The following TMEM181 variants were observed in gnomAD, a reference collection of about 807,000 sequenced individuals.
TMEM181 encodes G protein-coupled receptor 178.
TMEM181 carries 39 observed loss-of-function variants against 71.9 expected under a neutral mutation model. The ratio of observed to expected loss-of-function variants is 0.54; its 90% CI spans 0.42 to 0.71. The LOEUF (loss-of-function observed/expected upper bound fraction) is 0.71. Among genes scored for constraint, TMEM181 ranks in the 30% least tolerant of loss-of-function variants. TMEM181 has a pLI of 0.00. For missense variants in TMEM181, 595 were observed against 583.0 expected, an observed-to-expected ratio of 1.02 and a Z score of -0.21; for synonymous variants, 245 against 228.8, an observed-to-expected ratio of 1.07 and a Z score of -0.64.
chr6:158,608,457 T>C lies in TMEM181; in HGVS notation c.798T>C (p.Arg266=), dbSNP rs1472008615. The C allele has an allele frequency of 6.2e-7, 1 of 1,614,218 alleles. No homozygotes were observed. The highest frequency in any genetic ancestry group is 8.5e-7 in the Non-Finnish European group (1 of 1,180,032). ...GGCTGTGCGTGTACCACGGGATTCGTGTCCAGGTGAGCCGGAGCCGCCCTC... is the reference window on the plus strand; with the variant it reads ...GGCTGTGCGTGTACCACGGGATTCGCGTCCAGGTGAGCCGGAGCCGCCCTC... ...LFWLCVYHGI[R]VQGERKCLTF... is the part of the protein sequence containing the mutation. Residue 266 remains arginine, a synonymous_variant, in exon 9 of 17, where the codon CGT becomes CGC. Coordinates refer to ENST00000684151, the MANE Select transcript of TMEM181 (RefSeq NM_001376852.1).
chr6:158,577,557 C>G (rs1318885994), intron 2 of TMEM181, among the ~76,000 whole-genome samples: 1 of 152,184 alleles, frequency 6.6e-6, no homozygotes, highest in Non-Finnish European at 1.5e-5. Flanking sequence ...CTGAAAACTT[C>G]CCATATTTGG....
intron 5 of TMEM181, 65 bp downstream of exon 5, chr6:158,585,490 A>G: frequency 2.9e-6 from 4 of 1,366,100 alleles, no homozygotes; most frequent in Non-Finnish European, 3.8e-6. Context: ...TTACAGAGCC[A>G]CTTTCCAGTC....
intron 5 of TMEM181, among the ~76,000 whole-genome samples, chr6:158,588,241 G>A (rs1718018122): frequency 6.6e-6 from 1 of 152,260 alleles, no homozygotes; most frequent in African/African-American, 2.4e-5. Flanking sequence ...CCTCCCTGCG[G>A]AGCACTGTGG....
Position 158,606,838 on chromosome 6 carries a change from A to G in TMEM181, c.574-406A>G, listed in dbSNP as rs568699976. ...GCCGGGAACATGAGGCTCCTGTCAC[A>G]CCCACAGATGTGGCCTGTGTCCTGG... On this transcript the variant is annotated intron_variant, in intron 7 of 16. Transcript: ENST00000684151. 2.8e-3 allele frequency among the ~76,000 whole-genome samples: 419 copies of G among 152,234 alleles called. 6 individuals carry two copies. Among genetic ancestry groups the G allele is most frequent in the Non-Finnish European group, 1.2e-3 (79 of 68,008 alleles).
chr6:158,627,236 C>T lies in TMEM181; in HGVS notation c.1110-1172C>T, dbSNP rs549917648. Among the ~76,000 whole-genome samples the T allele has an allele frequency of 3.3e-5, 5 of 152,308 alleles. No individual in the cohort carries two copies. In the South Asian group the frequency reaches 8.3e-4, roughly 25 times the overall value. On this transcript the variant is annotated intron_variant, in intron 13 of 16. Transcript: ENST00000684151. Reference sequence around the variant, plus strand: ...CCCTCACCCTCAAATTACCTAGTCCCCAAGTTGGGAGCTACTGTCTACTTC... The same window carrying T: ...CCCTCACCCTCAAATTACCTAGTCCTCAAGTTGGGAGCTACTGTCTACTTC...
rs16900870 is a variant in TMEM181 at position 158,605,347 on chromosome 6, T to C, written c.573T>C (p.Thr191=). 3.0e-3 allele frequency: 4,881 copies of C among 1,613,846 alleles called. 131 individuals carry two copies. The African/African-American group carries it at 0.058, about 19-fold the overall frequency. ...FFFVVLTFIV[T]CLFAHSLRKF... is the part of the protein sequence containing the mutation. ...TTGTGGTGCTCACCTTCATCGTCAC[T>C]GTGAGTACCATTCGCCTGATGGACC... Residue 191 remains threonine (T), a splice_region_variant and synonymous_variant, in exon 7 of 17, where the codon ACT becomes ACC. Coordinates refer to ENST00000684151, the MANE Select transcript of TMEM181 (RefSeq NM_001376852.1).
intron 10 of TMEM181, chr6:158,609,779 G>T: frequency 3.9e-6 from 1 of 254,112 alleles, no homozygotes; most frequent in Non-Finnish European, 8.5e-6. Flanking sequence ...TTTGACTCTG[G>T]CAGTCTCCAG....
In TMEM181 at chr6:158,620,614, C is replaced by T. The variant is rs958671155; in HGVS notation, c.897-2936C>T. ...GAGACCTGAGGGTTTTGAGAGCCCA[C>T]TGGGGAGTAGCCCCCGCCCGAGCCT... On this transcript the variant is annotated intron_variant, in intron 10 of 16. Transcript: ENST00000684151. The surrounding 1 kb of genome is among the most constrained non-coding windows in gnomAD (Gnocchi z 4.5). Among the ~76,000 whole-genome samples, 6 of 152,192 alleles carry T rather than the reference C, an allele frequency of 3.9e-5. No homozygotes were observed. The highest frequency in any genetic ancestry group is 1.4e-4 in the African/African-American group (6 of 41,440).
At chr6:158,605,131 AGT>A (rs71030178) in intron 6 of TMEM181, 134 bp from the exon 7 acceptor site, 6,153 of 156,898 alleles carry the variant, frequency 0.039, 65 homozygotes, top group Middle Eastern at 0.075. Flanking sequence ...AAAAAAAAAA[AGT>A]GTGTGTGTGT....
At chr6:158,590,685 A>G (rs1470294173) in intron 6 of TMEM181, among the ~76,000 whole-genome samples, 1 of 152,148 alleles carries the variant, frequency 6.6e-6, no homozygotes, top group East Asian at 1.9e-4. Flanking sequence ...GATGGTCTTG[A>G]TCTCCTGACC....
At chr6:158,603,612 T>C (rs1342678407) in intron 6 of TMEM181, among the ~76,000 whole-genome samples, 1 of 151,762 alleles carries the variant, frequency 6.6e-6, no homozygotes, top group Non-Finnish European at 1.5e-5. Flanking sequence ...TTTTTTAGTT[T>C]TATTTTAGAT....
chr6:158,590,188 C>T (rs1349772892), intron 6 of TMEM181, among the ~76,000 whole-genome samples: 1 of 152,062 alleles, frequency 6.6e-6, no homozygotes, highest in Non-Finnish European at 1.5e-5. Flanking sequence ...CTCCCCTTTC[C>T]ACTCATTAGG....
At chr6:158,606,524 A>G (rs1784967997) in intron 7 of TMEM181, among the ~76,000 whole-genome samples, 1 of 152,234 alleles carries the variant, frequency 6.6e-6, no homozygotes, top group African/African-American at 2.4e-5. Flanking sequence ...AAAAGAGGGA[A>G]GATGGTCCCT....
intron 6 of TMEM181, 122 bp from the exon 7 acceptor site, chr6:158,605,145 T>TGG: frequency 3.6e-6 from 2 of 552,534 alleles, no homozygotes; most frequent in Non-Finnish European, 6.5e-6. Flanking sequence ...TGTGTGTGTG[T>TGG]GTGTGTGTGT....
intron 1 of TMEM181, among the ~76,000 whole-genome samples, chr6:158,542,354 T>C (rs944329171): frequency 1.3e-5 from 2 of 152,258 alleles, no homozygotes; most frequent in Non-Finnish European, 2.9e-5. Flanking sequence ...GTCCTTACTA[T>C]GTACTGAGTA....
At chr6:158,582,776 G>C (rs1482905236) in intron 3 of TMEM181, among the ~76,000 whole-genome samples, 3 of 152,158 alleles carry the variant, frequency 2.0e-5, no homozygotes, top group African/African-American at 4.8e-5. Context: ...TCTGTGGCCT[G>C]CTGCTATTAA....
chr6:158,542,854 C>T (rs1027429974), intron 1 of TMEM181, among the ~76,000 whole-genome samples: 2 of 146,666 alleles, frequency 1.4e-5, no homozygotes, highest in African/African-American at 5.0e-5. Flanking sequence ...CTGCCTGCCT[C>T]GGCCTCCAGA....
In TMEM181 at chr6:158,632,265, CG is replaced by C; in HGVS notation, c.*378del. ...GGGCAGCCTGTGACTAGGTCCTCAG[CG>C]TGACAGCATCACCCTCTTTCTTCCC... On this transcript the variant is annotated 3_prime_UTR_variant, in exon 17 of 17. Transcript: ENST00000684151. 4.4e-6 allele frequency: 1 copy of C among 224,964 alleles called. No homozygotes were observed. Among genetic ancestry groups the C allele is most frequent in the South Asian group, 5.6e-5 (1 of 17,728 alleles). The allele number at this position is 224,964 out of a possible 1,614,324, so 13.9% of individuals were successfully genotyped here.
intron 3 of TMEM181, among the ~76,000 whole-genome samples, chr6:158,581,647 C>T (rs1004239842): frequency 4.2e-5 from 6 of 144,212 alleles, no homozygotes; most frequent in South Asian, 4.4e-4. Context: ...CCCAGCTACT[C>T]GGGAGGCTGA....
Sources: allele counts gnomAD v4.1 joint callset (sites outside exome capture counted in the v4.1 genomes callset), GRCh38; gene constraint gnomAD v4.1.1; non-coding constraint Gnocchi (gnomAD v3.1); transcripts MANE v1.5; gene names NCBI Gene and HGNC (gene_info 2026-07-23, HGNC 2026-07-21).